The following BSCL2 variants were observed in gnomAD, a reference collection of about 807,000 sequenced individuals.
The protein encoded by BSCL2 is seipin.
BSCL2 carries 41 observed loss-of-function variants against 57.4 expected under a neutral mutation model. The observed-to-expected ratio is 0.71, with a 90% confidence interval of 0.56 to 0.93. BSCL2 has a LOEUF of 0.93. Ranked by LOEUF, BSCL2 falls within the 40% of genes least tolerant of loss-of-function variation. The pLI is 0.00. For missense variants in BSCL2, 539 were observed against 586.7 expected (o/e 0.92, Z 0.84); for synonymous variants, 237 against 227.3 (o/e 1.04, Z -0.38).
intron 2 of BSCL2, among the ~76,000 whole-genome samples, chr11:62,704,895 G>A (rs1945773183): frequency 6.6e-6 from 1 of 152,126 alleles, no homozygotes; most frequent in Admixed American, 6.6e-5. Flanking sequence ...GACTTTCAGG[G>A]ACTGAGAGGC....
chr11:62,707,716 C>G (rs1474918585), upstream of BSCL2: 1 of 340,504 alleles, frequency 2.9e-6, no homozygotes, highest in Non-Finnish European at 5.7e-6. Flanking sequence ...GCCATCCAGA[C>G]AGTGCTTGAG....
At chr11:62,691,522 G>A in intron 6 of BSCL2, 101 bp from the exon 7 acceptor site, 1 of 1,418,220 alleles carries the variant, frequency 7.1e-7, no homozygotes, top group East Asian at 2.3e-5. Flanking sequence ...AAGTGAGTTT[G>A]GTTACAGCTG....
At chr11:62,698,859 G>C (rs944732921) in intron 3 of BSCL2, among the ~76,000 whole-genome samples, 2 of 151,946 alleles carry the variant, frequency 1.3e-5, no homozygotes, top group African/African-American at 4.8e-5. Flanking sequence ...CACCATCCCA[G>C]GTTCTGTGGC....
chr11:62,705,180 C>T, intron 2 of BSCL2, 121 bp downstream of exon 2: 1 of 1,133,848 alleles, frequency 8.8e-7, no homozygotes, highest in Non-Finnish European at 1.3e-6. Context: ...GTTGAGAGGC[C>T]CTGGAAGCAC....
intron 3 of BSCL2, among the ~76,000 whole-genome samples, chr11:62,696,712 C>T (rs1945477425): frequency 6.6e-6 from 1 of 152,036 alleles, no homozygotes; most frequent in Non-Finnish European, 1.5e-5. Flanking sequence ...CATGTGCCAC[C>T]ACACCCAGCT....
At chr11:62,695,484 G>A (rs1376520004) in intron 3 of BSCL2, among the ~76,000 whole-genome samples, 1 of 151,432 alleles carries the variant, frequency 6.6e-6, no homozygotes, top group Non-Finnish European at 1.5e-5. Flanking sequence ...CAAGGCAGGT[G>A]GATCACCTGA....
chr11:62,706,347 C>T, intron 1 of BSCL2: 2 of 1,105,908 alleles, frequency 1.8e-6, no homozygotes, highest in Non-Finnish European at 2.3e-6. Context: ...CTTTTGTAGC[C>T]GTGGGAGGCG....
chr11:62,703,391 G>A (rs550382197), intron 2 of BSCL2, among the ~76,000 whole-genome samples: 18 of 122,838 alleles, frequency 1.5e-4, no homozygotes, highest in East Asian at 1.3e-3. Flanking sequence ...TTGCTCTGTC[G>A]CCCAGGCTGG....
upstream of BSCL2, chr11:62,709,241 A>G: frequency 2.2e-6 from 1 of 454,966 alleles, no homozygotes; most frequent in East Asian, 6.9e-5. Flanking sequence ...GGAGAGGATC[A>G]TCAAGCAATA....
At chr11:62,693,494 ATC>A (rs529628851) in intron 4 of BSCL2, among the ~76,000 whole-genome samples, 336 of 152,228 alleles carry the variant, frequency 2.2e-3, no homozygotes, top group Non-Finnish European at 3.9e-3. Flanking sequence ...ACAGAGCAAG[ATC>A]TCTGTCTCAA....
chr11:62,705,291 C>T lies in BSCL2; in HGVS notation c.404+10G>A, dbSNP rs992580580. ...AGGAGTCCTCTATTTTGATAGAAGG[C>T]CCCTCTCACCTGTAGTAGAAATGCA... On this transcript the variant is annotated intron_variant, in intron 2 of 10. Coordinates refer to ENST00000360796, the MANE Select transcript of BSCL2 (RefSeq NM_001122955.4). The T allele has an allele frequency of 1.2e-5, 19 of 1,601,310 alleles. No individual in the cohort carries two copies. The highest frequency in any genetic ancestry group is 1.5e-5 in the Non-Finnish European group (18 of 1,173,338).
At chr11:62,695,965 G>A (rs1474891736) in intron 3 of BSCL2, among the ~76,000 whole-genome samples, 2 of 151,942 alleles carry the variant, frequency 1.3e-5, no homozygotes, top group East Asian at 1.9e-4. Flanking sequence ...ACAAGGTCAG[G>A]AGTTCAAGAC....
intron 3 of BSCL2, among the ~76,000 whole-genome samples, chr11:62,697,782 A>T (rs1213538078): frequency 6.7e-6 from 1 of 148,986 alleles, no homozygotes; most frequent in Non-Finnish European, 1.5e-5. Flanking sequence ...CAACAGAGAG[A>T]GACTCTGTAT....
At chr11:62,701,763 T>C (rs1281972943) in intron 3 of BSCL2, among the ~76,000 whole-genome samples, 3 of 139,732 alleles carry the variant, frequency 2.1e-5, no homozygotes, top group East Asian at 4.1e-4. Context: ...ACCCAGGAGG[T>C]GGAGGTTGCA....
rs1386884650 is a variant in BSCL2, at chr11:62,692,409, T to C, written c.830A>G (p.Tyr277Cys). 6.2e-7 allele frequency: 1 copy of C among 1,614,122 alleles called. No homozygotes were observed. Among genetic ancestry groups the C allele is most frequent in the Admixed American group, 1.7e-5 (1 of 60,020 alleles). The stretch of plus-strand genomic sequence containing the variant: ...AGTGAAGTGCGCGTGGATGCGGAGG[T>C]AGGCTCCATACAGCTGGATGCGCTT... Reference protein sequence around the residue: ...HSKRIQLYGAYLRIHAHFTGL... With the variant: ...HSKRIQLYGACLRIHAHFTGL... The change falls in exon 6 of 11, where the codon TAC becomes TGC. Residue 277 changes from tyrosine to cysteine, a missense_variant. Transcript: ENST00000360796.
At chr11:62,697,287 T>TG (rs1420148885) in intron 3 of BSCL2, among the ~76,000 whole-genome samples, 3 of 145,512 alleles carry the variant, frequency 2.1e-5, no homozygotes, top group Non-Finnish European at 4.5e-5. Flanking sequence ...CCCAGCTACT[T>TG]GGGAGGCTGA....
rs1166825640 is a variant in BSCL2 at position 62,703,322 on chromosome 11, AGCATATGCCTGGGCAT to A, written c.405-789_405-774del. Among the ~76,000 whole-genome samples the A allele has an allele frequency of 1.7e-3, 256 of 149,146 alleles. 1 individual carries two copies. The highest frequency in any genetic ancestry group is 5.9e-3 in the African/African-American group (238 of 40,488). On this transcript the variant is annotated intron_variant, in intron 2 of 10. Transcript: ENST00000360796. ...AATTTGCATGTGGGGGTGTGGGTGC[AGCATATGCCTGGGCAT>A]GCATATACGTTTTTTTTTTTTTTTT...
chr11:62,694,545 T>C, intron 4 of BSCL2, 23 bp downstream of exon 4: 1 of 1,613,786 alleles, frequency 6.2e-7, no homozygotes, highest in African/African-American at 1.3e-5. Flanking sequence ...CCACACCTTC[T>C]CAGACAGGCC....
At position 62,690,877 on chromosome 11, in the gene BSCL2, C is replaced by CA. The variant is rs1451069094; in HGVS notation, c.1073-11dup. The CA allele has an allele frequency of 6.2e-7, 1 of 1,613,272 alleles. No homozygotes were observed. Among genetic ancestry groups the CA allele is most frequent in the Admixed American group, 1.7e-5 (1 of 59,980 alleles). ...TCCTGGCCTTCAGGCCCTGCACCTC[C>CA]AAAGAGGGAGAGGACAGGTTAGGGT... On this transcript the variant is annotated splice_polypyrimidine_tract_variant and intron_variant, in intron 8 of 10. Coordinates refer to ENST00000360796, the MANE Select transcript of BSCL2 (RefSeq NM_001122955.4).
Sources: gnomAD v4.1 joint callset for allele counts (sites outside exome capture counted in the v4.1 genomes callset) on GRCh38, gnomAD v4.1.1 for gene constraint, MANE v1.5 for transcripts, NCBI Gene and HGNC (gene_info 2026-07-23, HGNC 2026-07-21) for gene names.